MCTP1: variants seen among roughly 807,000 people sequenced by gnomAD.
The protein encoded by MCTP1 is multiple C2 and transmembrane domain-containing protein 1.
In MCTP1, 69 loss-of-function variants were observed where a neutral mutation model predicts 120.6. That is an observed-to-expected ratio of 0.57 (90% CI 0.47 to 0.70). MCTP1 has a LOEUF of 0.70. Ranked by LOEUF, MCTP1 falls within the 30% of genes least tolerant of loss-of-function variation. The pLI is 0.00. For synonymous variants in MCTP1, 529 were observed against 493.1 expected, an observed-to-expected ratio of 1.07 and a Z score of -0.96; for missense variants, 1,203 against 1,248.8, an observed-to-expected ratio of 0.96 and a Z score of 0.55.
At chr5:94,773,505 T>G (rs1007248159) in intron 19 of MCTP1, among the ~76,000 whole-genome samples, 5 of 152,210 alleles carry the variant, frequency 3.3e-5, no homozygotes, top group Non-Finnish European at 7.3e-5. Context: ...AGATATATCA[T>G]GATAGTCTCC....
rs191879629 is a variant in MCTP1 at position 95,256,991 on chromosome 5, T to C, written c.720+26865A>G. On this transcript the variant is annotated intron_variant, in intron 1 of 22. Transcript: ENST00000515393. ...TTTTTCTGAAATACATATTTAACTT[T>C]TTTTAAATCAAATTAGAGAAACTAT... 3.3e-3 allele frequency among the ~76,000 whole-genome samples: 501 copies of C among 152,366 alleles called. 1 individual carries two copies. Among genetic ancestry groups the C allele is most frequent in the South Asian group, 8.1e-3 (39 of 4,834 alleles).
At chr5:95,146,983 C>G (rs1460680618) in intron 1 of MCTP1, among the ~76,000 whole-genome samples, 1 of 152,058 alleles carries the variant, frequency 6.6e-6, no homozygotes, top group African/African-American at 2.4e-5. Context: ...GTTCAAGTCC[C>G]CCACTAGTAT....
intron 1 of MCTP1, among the ~76,000 whole-genome samples, chr5:95,102,017 T>G (rs1271623453): frequency 6.6e-6 from 1 of 152,180 alleles, no homozygotes; most frequent in Admixed American, 6.5e-5. Flanking sequence ...AGCCACAATT[T>G]ATCATATTAA....
chr5:95,213,432 T>A (rs1299366219), intron 1 of MCTP1, among the ~76,000 whole-genome samples: 1 of 152,294 alleles, frequency 6.6e-6, no homozygotes, highest in South Asian at 2.1e-4. Context: ...AAAATGGCCA[T>A]ACTGCCCAAG....
At position 94,992,861 on chromosome 5, in the gene MCTP1, C is replaced by G. The variant is rs543881179; in HGVS notation, c.838+24506G>C. Among the ~76,000 whole-genome samples the G allele has an allele frequency of 5.3e-5, 8 of 152,288 alleles. No homozygotes were observed. The South Asian group carries it at 1.7e-3, about 32-fold the overall frequency. ...CTCTCAAAGAAAGACAAATTCCTGT[C>G]TCAGAGTATGCTTCTGAAGAACTCA... On this transcript the variant is annotated intron_variant, in intron 2 of 22. Coordinates refer to ENST00000515393, the MANE Select transcript of MCTP1 (RefSeq NM_024717.7).
At chr5:94,887,910 G>C (rs1382816796) in intron 12 of MCTP1, among the ~76,000 whole-genome samples, 1 of 152,196 alleles carries the variant, frequency 6.6e-6, no homozygotes, top group African/African-American at 2.4e-5. Context: ...AATTAAAGAA[G>C]TGCACAGTGA....
intron 5 of MCTP1, among the ~76,000 whole-genome samples, chr5:94,932,670 ATT>A (rs34582166): frequency 1.9e-3 from 287 of 152,078 alleles, no homozygotes; most frequent in African/African-American, 6.8e-3. Flanking sequence ...AGCCCAACGA[ATT>A]TTTTTGTTTT....
chr5:94,737,879 A>G (rs1210077389), intron 19 of MCTP1, among the ~76,000 whole-genome samples: 2 of 152,186 alleles, frequency 1.3e-5, no homozygotes, highest in Admixed American at 6.5e-5. Flanking sequence ...GGGTTTCACC[A>G]TGTTGCCCTT....
At chr5:95,094,860 A>C (rs1193621994) in intron 1 of MCTP1, among the ~76,000 whole-genome samples, 1 of 151,962 alleles carries the variant, frequency 6.6e-6, no homozygotes, top group East Asian at 1.9e-4. Flanking sequence ...TTTTTTTCTG[A>C]ATATTCCTTT....
At chr5:94,925,656 G>A (rs571290536) in intron 6 of MCTP1, among the ~76,000 whole-genome samples, 7 of 152,244 alleles carry the variant, frequency 4.6e-5, no homozygotes, top group South Asian at 2.1e-4. Context: ...TGATCCGCCC[G>A]CCTAGGCCTG....
At chr5:94,944,944 A>G (rs185566543) in intron 3 of MCTP1, among the ~76,000 whole-genome samples, 2 of 152,288 alleles carry the variant, frequency 1.3e-5, no homozygotes, top group African/African-American at 4.8e-5. Flanking sequence ...TGTTTATTCA[A>G]TATTTACTAG....
intron 2 of MCTP1, among the ~76,000 whole-genome samples, chr5:94,989,248 G>A (rs989562139): frequency 6.6e-6 from 1 of 152,084 alleles, no homozygotes; most frequent in Non-Finnish European, 1.5e-5. Flanking sequence ...GTATTTTCTA[G>A]AGGAATTGTA....
intron 1 of MCTP1, among the ~76,000 whole-genome samples, chr5:95,059,284 A>T (rs1321116879): frequency 1.3e-5 from 2 of 152,086 alleles, no homozygotes; most frequent in African/African-American, 4.8e-5. Context: ...GCTGGTGGCC[A>T]TTATCCTAAG....
intron 6 of MCTP1, among the ~76,000 whole-genome samples, chr5:94,927,224 C>T (rs1373365285): frequency 6.6e-6 from 1 of 152,068 alleles, no homozygotes; most frequent in Non-Finnish European, 1.5e-5. Flanking sequence ...CTACAAATTT[C>T]AGGACTTTGG....
chr5:94,814,451 A>G (rs1784079879), intron 17 of MCTP1, among the ~76,000 whole-genome samples: 1 of 152,224 alleles, frequency 6.6e-6, no homozygotes, highest in Non-Finnish European at 1.5e-5. Context: ...AAGTTTCACT[A>G]AAGCCACTAT....
intron 1 of MCTP1, among the ~76,000 whole-genome samples, chr5:95,179,753 T>C (rs1748401625): frequency 1.3e-5 from 2 of 152,190 alleles, no homozygotes; most frequent in Admixed American, 6.5e-5. Context: ...ACAGGACTTA[T>C]GTAACAATAA....
chr5:95,192,308 G>A (rs1028071116), intron 1 of MCTP1, among the ~76,000 whole-genome samples: 2 of 151,946 alleles, frequency 1.3e-5, no homozygotes, highest in African/African-American at 4.8e-5. Flanking sequence ...TTAAGAATTT[G>A]ACATGTTTTT....
intron 17 of MCTP1, among the ~76,000 whole-genome samples, chr5:94,831,895 C>A (rs1788589384): frequency 1.3e-5 from 2 of 151,904 alleles, no homozygotes; most frequent in African/African-American, 2.4e-5. Context: ...TTAGTTCTTG[C>A]AATAACAATA....
chr5:94,873,566 C>T (rs1798226008), intron 12 of MCTP1, among the ~76,000 whole-genome samples: 1 of 151,902 alleles, frequency 6.6e-6, no homozygotes, highest in South Asian at 2.1e-4. Context: ...GATGCATGTC[C>T]ATCCCTAAAT....
Sources: gnomAD v4.1 joint callset for allele counts (sites outside exome capture counted in the v4.1 genomes callset) on GRCh38, gnomAD v4.1.1 for gene constraint, MANE v1.5 for transcripts, NCBI Gene and HGNC (gene_info 2026-07-23, HGNC 2026-07-21) for gene names.